The following GLB1L3 variants were observed in gnomAD, a reference collection of about 807,000 sequenced individuals.
GLB1L3 encodes the protein beta-galactosidase-1-like protein 3.
Under a neutral mutation model 89.5 loss-of-function variants are expected in GLB1L3, and 89 were observed. The observed-to-expected ratio is 0.99, with a 90% confidence interval of 0.84 to 1.19. The LOEUF is 1.19. Among genes scored for constraint, GLB1L3 ranks in the 50% most tolerant of loss-of-function variants. GLB1L3 has a pLI of 0.00. For missense variants in GLB1L3, 812 were observed against 813.3 expected, an observed-to-expected ratio of 1.00 and a Z score of 0.02; for synonymous variants, 314 against 312.3, an observed-to-expected ratio of 1.01 and a Z score of -0.06.
intron 10 of GLB1L3, among the ~76,000 whole-genome samples, chr11:134,308,478 C>T (rs1287699562): frequency 1.1e-3 from 7 of 6,636 alleles, no homozygotes; most frequent in Non-Finnish European, 1.9e-3. Context: ...CACCAAATAC[C>T]ACCACCACCA....
chr11:134,314,572 A>C, intron 18 of GLB1L3, 131 bp downstream of exon 18: 1 of 687,710 alleles, frequency 1.5e-6, no homozygotes, highest in Non-Finnish European at 2.6e-6. Flanking sequence ...ATCTCCAACC[A>C]AGCCTTCCAA....
intron 3 of GLB1L3, among the ~76,000 whole-genome samples, 176 bp from the exon 4 acceptor site, chr11:134,281,201 A>G (rs1940665608): frequency 6.6e-6 from 1 of 152,240 alleles, no homozygotes; most frequent in Non-Finnish European, 1.5e-5. Flanking sequence ...ATAATAGAGC[A>G]AGGAACTATT....
At chr11:134,311,318 C>T in intron 13 of GLB1L3, 148 bp downstream of exon 13, 1 of 687,640 alleles carries the variant, frequency 1.5e-6, no homozygotes, top group Non-Finnish European at 2.6e-6. Context: ...CCACCAGCTC[C>T]TTCCGGGTGG....
Position 134,310,901 on chromosome 11 carries a change from A to G in GLB1L3, c.1181-163A>G, listed in dbSNP as rs1942699100. On this transcript the variant is annotated intron_variant, in intron 12 of 19. Transcript: ENST00000431683. ...AAGATAGTAACCTTGGTCTCCTGTG[A>G]TGACTGCGAAGATTGAGTTACTCTT... The G allele has an allele frequency of 1.1e-5, 7 of 652,142 alleles. No individual in the cohort carries two copies. In the South Asian group the frequency reaches 1.3e-4, roughly 12 times the overall value. The allele number at this position is 652,142 out of a possible 1,614,324, so 40.4% of individuals were successfully genotyped here. A position where few individuals can be genotyped will look rare whatever the true frequency, so the allele number is the denominator to read the frequency against.
Position 134,310,603 on chromosome 11 carries a change from T to A in GLB1L3, c.1132T>A (p.Tyr378Asn), listed in dbSNP as rs966174363. ...TGCAGTGCTCACGGAGGCTGGAGATTACACAGAAAAATATCTGAAGCTTCA... is the reference window on the plus strand; with the variant it reads ...TGCAGTGCTCACGGAGGCTGGAGATAACACAGAAAAATATCTGAAGCTTCA... ...YDAVLTEAGD[Y>N]TEKYLKLQKL... is the part of the protein sequence containing the mutation. The change falls in exon 12 of 20, where the codon TAC (tyrosine) becomes AAC (asparagine). Residue 378 changes from tyrosine (Y) to asparagine (N), a missense_variant. Coordinates refer to ENST00000431683, the MANE Select transcript of GLB1L3 (RefSeq NM_001080407.3). 5.6e-6 allele frequency: 9 copies of A among 1,613,594 alleles called. No homozygotes were observed. The highest frequency in any genetic ancestry group is 7.6e-6 in the Non-Finnish European group (9 of 1,179,724).
At chr11:134,282,320 G>A (rs1455802522) in intron 5 of GLB1L3, among the ~76,000 whole-genome samples, 200 bp downstream of exon 5, 1 of 152,166 alleles carries the variant, frequency 6.6e-6, no homozygotes, top group African/African-American at 2.4e-5. Flanking sequence ...GGGTGCAGTT[G>A]TCATCCCCGA....
chr11:134,285,645 C>T (rs2850255), intron 6 of GLB1L3, among the ~76,000 whole-genome samples: 25,638 of 151,884 alleles, frequency 0.17, 2,711 homozygotes, highest in Non-Finnish European at 0.23. Context: ...AATTCGAGAG[C>T]GTGGTGAGCA....
At chr11:134,293,262 C>T in intron 9 of GLB1L3, 53 bp downstream of exon 9, 2 of 1,404,154 alleles carry the variant, frequency 1.4e-6, no homozygotes, top group South Asian at 2.3e-5. Flanking sequence ...CATGACCTCC[C>T]TTGCCTATGT....
chr11:134,302,365 T>C (rs1480707725), intron 9 of GLB1L3, among the ~76,000 whole-genome samples: 6 of 152,238 alleles, frequency 3.9e-5, no homozygotes, highest in Non-Finnish European at 8.8e-5. Flanking sequence ...TTTAGAATTA[T>C]AGAGGTTATA....
chr11:134,292,259 G>A, intron 8 of GLB1L3, 46 bp downstream of exon 8: 1 of 1,437,604 alleles, frequency 7.0e-7, no homozygotes, highest in Non-Finnish European at 9.7e-7. Context: ...CTCTCAGCCA[G>A]CCCGTGTAAA....
In GLB1L3 at chr11:134,277,560, G is replaced by C. The variant is rs922641178; in HGVS notation, c.149+109G>C. On this transcript the variant is annotated intron_variant, in intron 2 of 19. Transcript: ENST00000431683. ...AACACGTCCTACTAACATATGCACA[G>C]AACACGTCCTACTAACATATGCACA... is the stretch of plus-strand genomic sequence containing the variant. 3.2e-5 allele frequency: 49 copies of C among 1,530,642 alleles called. No individual in the cohort carries two copies. The Admixed American group carries it at 8.4e-4, about 26-fold the overall frequency. 94.8% of individuals were successfully genotyped at this position (1,530,642 alleles called of 1,614,324 possible). A position where few individuals can be genotyped will look rare whatever the true frequency, so the allele number is the denominator to read the frequency against.
At chr11:134,300,331 ATTTTTTTTTT>A (rs3065410) in intron 9 of GLB1L3, among the ~76,000 whole-genome samples, 2 of 131,588 alleles carry the variant, frequency 1.5e-5, no homozygotes, top group African/African-American at 5.8e-5. Context: ...TATTGACCAC[ATTTTTTTTTT>A]TTTTTTTTTG....
At chr11:134,281,506 G>T (rs1264831733) in intron 4 of GLB1L3, 61 bp downstream of exon 4, 2 of 1,493,476 alleles carry the variant, frequency 1.3e-6, no homozygotes, top group African/African-American at 1.4e-5. Context: ...TGGCTACTGG[G>T]GGTGGATTAG....
At chr11:134,292,281 C>A in intron 8 of GLB1L3, 68 bp downstream of exon 8, 1 of 1,188,958 alleles carries the variant, frequency 8.4e-7, no homozygotes, top group Non-Finnish European at 1.2e-6. Context: ...CTTGAACACA[C>A]TGCAGAGAAA....
At chr11:134,277,503 C>G in intron 2 of GLB1L3, 52 bp downstream of exon 2, 1 of 1,597,608 alleles carries the variant, frequency 6.3e-7, no homozygotes. Context: ...TCTCTCCTTT[C>G]TTGGAGAAAA....
intron 18 of GLB1L3, among the ~76,000 whole-genome samples, chr11:134,317,973 A>G (rs1943051470): frequency 6.6e-6 from 1 of 152,152 alleles, no homozygotes; most frequent in African/African-American, 2.4e-5. Context: ...GAGCTATAGC[A>G]ACTTCCTTTT....
At chr11:134,313,326 G>A in intron 15 of GLB1L3, 70 bp from the exon 16 acceptor site, 1 of 1,246,338 alleles carries the variant, frequency 8.0e-7, no homozygotes, top group South Asian at 1.3e-5. Context: ...GGGACTCAGT[G>A]AAAAAACGGG....
At chr11:134,301,587 T>G (rs574109487) in intron 9 of GLB1L3, among the ~76,000 whole-genome samples, 30 of 152,304 alleles carry the variant, frequency 2.0e-4, no homozygotes, top group African/African-American at 6.7e-4. Context: ...GTTGTCTCTA[T>G]TGCAAATTAA....
At chr11:134,324,451 G>A (rs68192549), downstream of GLB1L3, among the ~76,000 whole-genome samples, 16,780 of 152,072 alleles carry the variant, frequency 0.11, 1,038 homozygotes, top group Admixed American at 0.19. Context: ...ATCCTGAGAA[G>A]CTTTTTATTT....
Sources: gnomAD v4.1 joint callset for allele counts (sites outside exome capture counted in the v4.1 genomes callset) on GRCh38, gnomAD v4.1.1 for gene constraint, MANE v1.5 for transcripts, NCBI Gene and HGNC (gene_info 2026-07-23, HGNC 2026-07-21) for gene names.